LHFPL6: variants seen among roughly 807,000 people sequenced by gnomAD.
LHFPL6 encodes LHFPL tetraspan subfamily member 6.
A neutral mutation model predicts 20.6 loss-of-function variants in LHFPL6; 9 were observed. The ratio of observed to expected loss-of-function variants is 0.44; its 90% CI spans 0.26 to 0.76. LHFPL6 has a LOEUF of 0.76. Among genes scored for constraint, LHFPL6 ranks in the 30% least tolerant of loss-of-function variants. LHFPL6 has a pLI of 0.20. For synonymous variants in LHFPL6, 105 were observed against 98.7 expected (o/e 1.06, Z -0.38); for missense variants, 218 against 253.5 (o/e 0.86, Z 0.95).
At chr13:39,388,665 T>C (rs1225683895) in intron 2 of LHFPL6, among the ~76,000 whole-genome samples, 17 of 152,188 alleles carry the variant, frequency 1.1e-4, no homozygotes, top group Admixed American at 1.0e-3. Context: ...AGTGACTTTA[T>C]GAAAACAAAG....
intron 3 of LHFPL6, among the ~76,000 whole-genome samples, chr13:39,376,102 G>A (rs186025829): frequency 6.6e-6 from 1 of 152,274 alleles, no homozygotes; most frequent in Admixed American, 6.5e-5. Flanking sequence ...ATACTGAGGT[G>A]CAGTAATGAA....
intron 2 of LHFPL6, among the ~76,000 whole-genome samples, chr13:39,526,267 C>T (rs1217101573): frequency 6.6e-6 from 1 of 152,114 alleles, no homozygotes; most frequent in African/African-American, 2.4e-5. Flanking sequence ...CTGAAACGAA[C>T]TGAACTACCT....
At chr13:39,448,078 C>T (rs906425089) in intron 2 of LHFPL6, among the ~76,000 whole-genome samples, 39 of 152,196 alleles carry the variant, frequency 2.6e-4, no homozygotes, top group Non-Finnish European at 1.5e-5. Flanking sequence ...AGTCTCCTCC[C>T]AGTTCTCAGG....
At chr13:39,455,902 T>C (rs1872558577) in intron 2 of LHFPL6, among the ~76,000 whole-genome samples, 2 of 152,176 alleles carry the variant, frequency 1.3e-5, no homozygotes, top group South Asian at 2.1e-4. Context: ...AGATGAACCA[T>C]GTTATGAATA....
chr13:39,440,465 A>C (rs1268994990), intron 2 of LHFPL6, among the ~76,000 whole-genome samples: 1 of 152,210 alleles, frequency 6.6e-6, no homozygotes, highest in Non-Finnish European at 1.5e-5. Flanking sequence ...ACGAGTCTTT[A>C]TATAAAATTT....
intron 2 of LHFPL6, among the ~76,000 whole-genome samples, chr13:39,573,128 A>G (rs1871987604): frequency 6.6e-6 from 1 of 152,174 alleles, no homozygotes; most frequent in Admixed American, 6.5e-5. Context: ...AATGTATGGT[A>G]TAGGACTCCA....
intron 2 of LHFPL6, among the ~76,000 whole-genome samples, chr13:39,437,275 T>C (rs191084139): frequency 3.9e-5 from 6 of 152,274 alleles, no homozygotes; most frequent in Non-Finnish European, 2.9e-5. Context: ...ATGTTGGTGT[T>C]GGGGCCTGGT....
Position 39,574,444 on chromosome 13 carries a change from C to A in LHFPL6, c.385+26388G>T, listed in dbSNP as rs1357217486. ...CTTGCAGTGAGCTGAGATCGTGCCACTGCACTCCAGCCTGGGTGACAGATC... is the reference window on the plus strand; with the variant it reads ...CTTGCAGTGAGCTGAGATCGTGCCAATGCACTCCAGCCTGGGTGACAGATC... On this transcript the variant is annotated intron_variant, in intron 2 of 3. Transcript: ENST00000379589. 4.7e-5 allele frequency among the ~76,000 whole-genome samples: 7 copies of A among 147,744 alleles called. 1 individual carries two copies. Among genetic ancestry groups the A allele is most frequent in the Admixed American group, 4.1e-4 (6 of 14,654 alleles).
At chr13:39,467,825 AT>A (rs1440607035) in intron 2 of LHFPL6, among the ~76,000 whole-genome samples, 6 of 152,182 alleles carry the variant, frequency 3.9e-5, no homozygotes, top group Non-Finnish European at 8.8e-5. Flanking sequence ...TGCTCTTGAA[AT>A]TGCCATATTC....
rs971869991 is a variant in LHFPL6 at position 39,601,049 on chromosome 13, A to G, written c.168T>C (p.Asp56=). Residue 56 remains aspartate, a synonymous_variant, in exon 2 of 4, where the codon GAT becomes GAC. Coordinates refer to ENST00000379589, the MANE Select transcript of LHFPL6 (RefSeq NM_005780.3). The part of the protein sequence containing the change: ...TFRRCSYPVH[D]ESRQMMVMVE... ...CCATCACCATCATCTGCCGACTCTC[A>G]TCATGCACAGGATATGAGCACCTCC... is the stretch of plus-strand genomic sequence containing the variant. 12 of 1,614,232 alleles carry G rather than the reference A, an allele frequency of 7.4e-6. No homozygotes were observed. Among genetic ancestry groups the G allele is most frequent in the Non-Finnish European group, 1.0e-5 (12 of 1,180,042 alleles).
intron 2 of LHFPL6, among the ~76,000 whole-genome samples, chr13:39,462,959 T>G (rs913364119): frequency 6.6e-6 from 1 of 152,090 alleles, no homozygotes. Context: ...TGCTCTCCAG[T>G]TCTCCAAAAA....
chr13:39,444,404 T>C (rs1872229633), intron 2 of LHFPL6, among the ~76,000 whole-genome samples: 1 of 152,092 alleles, frequency 6.6e-6, no homozygotes, highest in Admixed American at 6.5e-5. Flanking sequence ...TTCATATGGA[T>C]AGAAGGAAGC....
At chr13:39,492,755 A>G (rs1382292960) in intron 2 of LHFPL6, among the ~76,000 whole-genome samples, 1 of 152,002 alleles carries the variant, frequency 6.6e-6, no homozygotes, top group Non-Finnish European at 1.5e-5. Context: ...ACCTCCGCTT[A>G]CCTCAACCTC....
chr13:39,559,020 C>T lies in LHFPL6; in HGVS notation c.385+41812G>A, dbSNP rs570064101. Among the ~76,000 whole-genome samples, 79 of 152,272 alleles carry T rather than the reference C, an allele frequency of 5.2e-4. 1 individual carries two copies. The highest frequency in any genetic ancestry group is 3.5e-3 in the East Asian group (18 of 5,174). Reference sequence around the variant, plus strand: ...AGAGTAGGAGGGGCTAGAGCCTCCCCGATGGAGAGGTGCTGAGAGACAGGT... The same window carrying T: ...AGAGTAGGAGGGGCTAGAGCCTCCCTGATGGAGAGGTGCTGAGAGACAGGT... On this transcript the variant is annotated intron_variant, in intron 2 of 3. Transcript: ENST00000379589.
At chr13:39,540,476 T>C (rs549709068) in intron 2 of LHFPL6, among the ~76,000 whole-genome samples, 1 of 152,152 alleles carries the variant, frequency 6.6e-6, no homozygotes, top group Non-Finnish European at 1.5e-5. Flanking sequence ...ACTGTATTTC[T>C]ACAGTAATTT....
chr13:39,435,256 G>A (rs499031), intron 2 of LHFPL6, among the ~76,000 whole-genome samples: 144,077 of 152,116 alleles, frequency 0.95, 68,729 homozygotes, highest in East Asian at 1. Context: ...TGAAACAACA[G>A]ATGACAAAGT....
chr13:39,456,116 A>G (rs994920779), intron 2 of LHFPL6, among the ~76,000 whole-genome samples: 5 of 152,222 alleles, frequency 3.3e-5, no homozygotes, highest in African/African-American at 1.2e-4. Context: ...TTGCTAACTT[A>G]TTTGGACTCA....
intron 2 of LHFPL6, among the ~76,000 whole-genome samples, chr13:39,527,698 A>AT (rs1393984609): frequency 2.6e-5 from 4 of 151,758 alleles, no homozygotes; most frequent in African/African-American, 9.7e-5. Context: ...TATACTCATC[A>AT]TTTTTTTGTT....
At chr13:39,589,600 A>G (rs2138547211) in intron 2 of LHFPL6, among the ~76,000 whole-genome samples, 1 of 152,170 alleles carries the variant, frequency 6.6e-6, no homozygotes, top group East Asian at 1.9e-4. Flanking sequence ...CATTTTATTG[A>G]TCCAGATTGA....
Sources: gnomAD v4.1 joint callset for allele counts (sites outside exome capture counted in the v4.1 genomes callset) on GRCh38, gnomAD v4.1.1 for gene constraint, MANE v1.5 for transcripts, NCBI Gene and HGNC (gene_info 2026-07-23, HGNC 2026-07-21) for gene names.